Variants in PROS1 observed in about 807,000 individuals in gnomAD.
PROS1 encodes the protein vitamin K-dependent protein S.
In PROS1, 29 loss-of-function variants were observed where a neutral mutation model predicts 75.9. The ratio of observed to expected loss-of-function variants is 0.38; its 90% CI spans 0.28 to 0.52. The LOEUF is 0.52. PROS1 is among the 20% of genes least tolerant of loss of function. The pLI, the probability that PROS1 is intolerant of heterozygous loss-of-function variation, is 0.83. For missense variants in PROS1, 680 were observed against 810.3 expected (o/e 0.84, Z 1.95); for synonymous variants, 245 against 280.6 (o/e 0.87, Z 1.27).
At chr3:93,962,581 A>T (rs1294252039) in intron 1 of PROS1, among the ~76,000 whole-genome samples, 1 of 152,216 alleles carries the variant, frequency 6.6e-6, no homozygotes, top group African/African-American at 2.4e-5. Flanking sequence ...GGCTTTGAGG[A>T]AGCAAAATGT....
In PROS1 at chr3:93,973,828, G is replaced by A; in HGVS notation, c.-79C>T. 2 of 1,269,158 alleles carry A rather than the reference G, an allele frequency of 1.6e-6. No individual in the cohort carries two copies. The highest frequency in any genetic ancestry group is 2.2e-6 in the Non-Finnish European group (2 of 919,118). 78.6% of individuals were successfully genotyped at this position (1,269,158 alleles called of 1,614,324 possible). ...GGAGCGCTAGGCGCCGCGGAGCTGC[G>A]AGCCTGTGCGCCTCGGTCTGAGCCG... On this transcript the variant is annotated 5_prime_UTR_variant, in exon 1 of 15. Coordinates refer to ENST00000394236, the MANE Select transcript of PROS1 (RefSeq NM_000313.4).
intron 1 of PROS1, among the ~76,000 whole-genome samples, chr3:93,948,657 A>C (rs1328417895): frequency 6.6e-6 from 1 of 152,254 alleles, no homozygotes; most frequent in Non-Finnish European, 1.5e-5. Context: ...ATAAACAATA[A>C]TGTTTAGAAA....
At chr3:93,884,467 T>A (rs1312862047) in intron 12 of PROS1, among the ~76,000 whole-genome samples, 1 of 152,166 alleles carries the variant, frequency 6.6e-6, no homozygotes, top group African/African-American at 2.4e-5. Flanking sequence ...TTAAAATAGG[T>A]CAATTGAATT....
chr3:93,930,599 C>T (rs1036700817), intron 1 of PROS1, among the ~76,000 whole-genome samples: 4 of 152,130 alleles, frequency 2.6e-5, no homozygotes, highest in Non-Finnish European at 4.4e-5. Context: ...CCCGTATGGG[C>T]CCCAACTAAA....
chr3:93,913,088 A>G (rs1708783959), intron 3 of PROS1, among the ~76,000 whole-genome samples: 1 of 152,184 alleles, frequency 6.6e-6, no homozygotes, highest in African/African-American at 2.4e-5. Context: ...GGTGGAGGTA[A>G]TTGAATCAGG....
Position 93,884,757 on chromosome 3 carries a change from G to C in PROS1, c.1463C>G (p.Ser488Cys). 1 of 1,613,728 alleles carries C rather than the reference G, an allele frequency of 6.2e-7. No homozygotes were observed. The highest frequency in any genetic ancestry group is 8.5e-7 in the Non-Finnish European group (1 of 1,179,842). The change falls in exon 12 of 15, where the codon TCT becomes TGT. Residue 488 changes from serine to cysteine, a missense_variant. Physicochemically the swap from Ser to Cys is moderately radical, Grantham distance 112. Coordinates refer to ENST00000394236, the MANE Select transcript of PROS1 (RefSeq NM_000313.4). ...ATCTATGTGAAATTGAGCAATTCCA[G>C]AACCAGGATAGTAGGAGCCCTTCTC... ...TVEKGSYYPG[S>C]GIAQFHIDYN... is the part of the protein sequence containing the mutation.
intron 14 of PROS1, among the ~76,000 whole-genome samples, chr3:93,876,005 T>A (rs1163024957): frequency 6.6e-5 from 10 of 152,182 alleles, no homozygotes; most frequent in Non-Finnish European, 1.5e-5. Context: ...GTAAATGGAA[T>A]CTCCATCCAT....
intron 1 of PROS1, among the ~76,000 whole-genome samples, chr3:93,948,231 A>G (rs1267592078): frequency 6.6e-6 from 1 of 152,202 alleles, no homozygotes. Flanking sequence ...ACATTTTAAA[A>G]TCTGTAGCTA....
chr3:93,913,652 A>G (rs1427675385), intron 3 of PROS1, among the ~76,000 whole-genome samples: 3 of 152,216 alleles, frequency 2.0e-5, no homozygotes, highest in African/African-American at 7.2e-5. Context: ...ATGCTGAACT[A>G]TAAGTCAATT....
intron 1 of PROS1, among the ~76,000 whole-genome samples, chr3:93,971,627 CCACACACA>C (rs748664337): frequency 4.2e-4 from 52 of 124,454 alleles, no homozygotes; most frequent in African/African-American, 6.8e-4. Context: ...AAAATAAAAA[CCACACACA>C]CACACACACA....
chr3:93,940,434 C>G (rs1393078812), intron 1 of PROS1, among the ~76,000 whole-genome samples: 1 of 152,132 alleles, frequency 6.6e-6, no homozygotes, highest in Non-Finnish European at 1.5e-5. Flanking sequence ...GCGTGTTTCC[C>G]TTGCCTCCAT....
chr3:93,954,303 T>C (rs761283138), intron 1 of PROS1, among the ~76,000 whole-genome samples: 1 of 152,172 alleles, frequency 6.6e-6, no homozygotes, highest in Non-Finnish European at 1.5e-5. Flanking sequence ...GCTGGAGGCA[T>C]CTTGCTACCT....
chr3:93,964,998 G>A (rs1488248750), intron 1 of PROS1, among the ~76,000 whole-genome samples: 1 of 152,160 alleles, frequency 6.6e-6, no homozygotes, highest in Non-Finnish European at 1.5e-5. Flanking sequence ...TTGCAACTTA[G>A]CTCACACCCG....
At chr3:93,904,215 T>C (rs1463035583) in intron 6 of PROS1, among the ~76,000 whole-genome samples, 3 of 152,112 alleles carry the variant, frequency 2.0e-5, no homozygotes, top group African/African-American at 4.8e-5. Flanking sequence ...CAGTCTATCA[T>C]TGTTGGACAT....
intron 4 of PROS1, 59 bp from the exon 5 acceptor site, chr3:93,906,202 G>C (rs1708673585): frequency 6.3e-7 from 1 of 1,578,590 alleles, no homozygotes; most frequent in African/African-American, 1.4e-5. Flanking sequence ...AAATAAAATT[G>C]TGTGTACTAT....
At chr3:93,937,959 G>A (rs1709213313) in intron 1 of PROS1, among the ~76,000 whole-genome samples, 2 of 152,164 alleles carry the variant, frequency 1.3e-5, no homozygotes, top group South Asian at 4.1e-4. Context: ...GCTTTAGCAG[G>A]AGGGTGGGAG....
At chr3:93,963,293 G>C (rs774276280) in intron 1 of PROS1, among the ~76,000 whole-genome samples, 1 of 152,070 alleles carries the variant, frequency 6.6e-6, no homozygotes, top group South Asian at 2.1e-4. Context: ...CATCATAAGC[G>C]GGATGCTGTC....
chr3:93,891,909 TTATC>T (rs1391666807), intron 10 of PROS1, among the ~76,000 whole-genome samples: 2 of 152,032 alleles, frequency 1.3e-5, no homozygotes, highest in Middle Eastern at 3.2e-3. Flanking sequence ...TAAGGATTAC[TTATC>T]TATCTGCTTA....
In PROS1 at chr3:93,888,062, T is replaced by G. The variant is rs186303202; in HGVS notation, c.1156-1559A>C. 3.2e-3 allele frequency among the ~76,000 whole-genome samples: 490 copies of G among 152,338 alleles called. 4 individuals carry two copies. Among genetic ancestry groups the G allele is most frequent in the Non-Finnish European group, 3.6e-3 (243 of 68,022 alleles). ...TAGGTATTCATGTAGGGAATATTCA[T>G]GCTTACAATCATCTGAGTTTGTGCA... On this transcript the variant is annotated intron_variant, in intron 10 of 14. Transcript: ENST00000394236.
Sources: allele counts gnomAD v4.1 joint callset (sites outside exome capture counted in the v4.1 genomes callset), GRCh38; gene constraint gnomAD v4.1.1; transcripts MANE v1.5; gene names NCBI Gene and HGNC (gene_info 2026-07-23, HGNC 2026-07-21).